SCAMP1: variants seen among roughly 807,000 people sequenced by gnomAD.
The protein encoded by SCAMP1 is secretory carrier-associated membrane protein 1.
Under a neutral mutation model 41.8 loss-of-function variants are expected in SCAMP1, and 15 were observed. The ratio of observed to expected loss-of-function variants is 0.36; its 90% CI spans 0.24 to 0.55. The LOEUF (loss-of-function observed/expected upper bound fraction) is 0.55, where lower values mean the gene tolerates loss of function less well. Among genes scored for constraint, SCAMP1 ranks in the 20% least tolerant of loss-of-function variants. SCAMP1 has a pLI of 0.86. For missense variants in SCAMP1, 341 were observed against 412.6 expected (o/e 0.83, Z 1.50); for synonymous variants, 135 against 136.8 (o/e 0.99, Z 0.09).
intron 6 of SCAMP1, among the ~76,000 whole-genome samples, chr5:78,436,897 C>T (rs1355141771): frequency 2.6e-5 from 4 of 152,112 alleles, no homozygotes; most frequent in Non-Finnish European, 4.4e-5. Flanking sequence ...TCTTTTATTT[C>T]GTTGAGCAGT....
chr5:78,451,940 C>G (rs111745721), intron 7 of SCAMP1, among the ~76,000 whole-genome samples: 15 of 152,208 alleles, frequency 9.9e-5, no homozygotes, highest in African/African-American at 3.6e-4. Flanking sequence ...CAAGCGTGAG[C>G]TACCATGTCT....
intron 6 of SCAMP1, among the ~76,000 whole-genome samples, chr5:78,424,195 T>TG (rs1197405028): frequency 6.6e-6 from 1 of 152,082 alleles, no homozygotes; most frequent in Non-Finnish European, 1.5e-5. Flanking sequence ...ATACTTTTTA[T>TG]GGGGAAAGTT....
chr5:78,391,896 A>G (rs1041019943), intron 2 of SCAMP1, among the ~76,000 whole-genome samples: 1 of 152,292 alleles, frequency 6.6e-6, no homozygotes, highest in Admixed American at 6.5e-5. Context: ...AATCGCAGGC[A>G]CTCGGCAGGC....
intron 7 of SCAMP1, among the ~76,000 whole-genome samples, chr5:78,458,315 C>T (rs9293750): frequency 0.37 from 56,366 of 152,096 alleles, 12,571 homozygotes; most frequent in Non-Finnish European, 0.5. Context: ...CACTTCCTCA[C>T]CAGCATTTAG....
intron 5 of SCAMP1, among the ~76,000 whole-genome samples, chr5:78,420,107 G>C (rs1355278537): frequency 6.6e-6 from 1 of 152,104 alleles, no homozygotes; most frequent in East Asian, 1.9e-4. Flanking sequence ...CTAGGCTGGA[G>C]TGCAATGGCA....
chr5:78,431,687 T>G (rs562220751), intron 6 of SCAMP1, among the ~76,000 whole-genome samples: 2 of 151,956 alleles, frequency 1.3e-5, no homozygotes, highest in African/African-American at 4.8e-5. Context: ...TCAAATAATA[T>G]TATTCTGCTT....
chr5:78,420,955 C>T (rs937673002), intron 5 of SCAMP1, among the ~76,000 whole-genome samples: 2 of 152,152 alleles, frequency 1.3e-5, no homozygotes, highest in Non-Finnish European at 2.9e-5. Context: ...CATTAAACAT[C>T]ATTTTAGCTT....
chr5:78,449,874 TCCCC>T, intron 6 of SCAMP1, 55 bp from the exon 7 acceptor site: 13 of 863,988 alleles, frequency 1.5e-5, no homozygotes, highest in Non-Finnish European at 2.4e-5. Context: ...ATGACGTTTT[TCCCC>T]TTCTTTCTCT....
chr5:78,436,650 G>A (rs1033727456), intron 6 of SCAMP1, among the ~76,000 whole-genome samples: 1 of 152,216 alleles, frequency 6.6e-6, no homozygotes, highest in South Asian at 2.1e-4. Context: ...TTGAACTCAG[G>A]TAGTGTGATG....
chr5:78,378,165 G>T (rs1751111768), intron 1 of SCAMP1, among the ~76,000 whole-genome samples: 1 of 152,114 alleles, frequency 6.6e-6, no homozygotes, highest in Admixed American at 6.5e-5. Flanking sequence ...GAAGGTTTTG[G>T]ATACTAATCA....
At chr5:78,445,985 T>G (rs183931959) in intron 6 of SCAMP1, among the ~76,000 whole-genome samples, 147 of 152,356 alleles carry the variant, frequency 9.6e-4, no homozygotes, top group African/African-American at 3.3e-3. Context: ...GAAATGAATT[T>G]TATTGTCTCC....
chr5:78,397,709 T>C (rs1457876653), intron 2 of SCAMP1, among the ~76,000 whole-genome samples: 1 of 152,032 alleles, frequency 6.6e-6, no homozygotes, highest in Non-Finnish European at 1.5e-5. Flanking sequence ...TCATTTGAGG[T>C]CAGGAGTTCA....
intron 6 of SCAMP1, among the ~76,000 whole-genome samples, chr5:78,434,547 T>C (rs1027037990): frequency 2.2e-5 from 2 of 90,894 alleles, no homozygotes; most frequent in African/African-American, 1.1e-4. Flanking sequence ...CTTCCTTCTT[T>C]CTTCCTTCCT....
At chr5:78,394,885 G>A (rs1751612113) in intron 2 of SCAMP1, among the ~76,000 whole-genome samples, 1 of 152,186 alleles carries the variant, frequency 6.6e-6, no homozygotes, top group Admixed American at 6.5e-5. Context: ...GCCACATCCT[G>A]TCACTTATAC....
At chr5:78,385,340 T>C (rs960466558) in intron 1 of SCAMP1, among the ~76,000 whole-genome samples, 2 of 152,168 alleles carry the variant, frequency 1.3e-5, no homozygotes, top group African/African-American at 4.8e-5. Flanking sequence ...TTTTCTCTTT[T>C]TTTCTTGGTT....
At chr5:78,453,707 T>C (rs1753304683) in intron 7 of SCAMP1, among the ~76,000 whole-genome samples, 1 of 152,234 alleles carries the variant, frequency 6.6e-6, no homozygotes. Flanking sequence ...AAGTAGTTTT[T>C]TCCAGTTCTG....
At chr5:78,402,764 A>G (rs527709596) in intron 2 of SCAMP1, among the ~76,000 whole-genome samples, 2 of 152,038 alleles carry the variant, frequency 1.3e-5, no homozygotes, top group African/African-American at 4.8e-5. Flanking sequence ...TAGTGCCTTG[A>G]GACCGTTGAT....
intron 1 of SCAMP1, among the ~76,000 whole-genome samples, chr5:78,376,360 C>T (rs1436380625): frequency 6.6e-6 from 1 of 152,218 alleles, no homozygotes; most frequent in African/African-American, 2.4e-5. Flanking sequence ...TTAAGAGCTA[C>T]ATGTGGCTGG....
At chr5:78,436,880 T>C (rs1752770698) in intron 6 of SCAMP1, among the ~76,000 whole-genome samples, 1 of 152,226 alleles carries the variant, frequency 6.6e-6, no homozygotes, top group Non-Finnish European at 1.5e-5. Flanking sequence ...TCCATTTGTT[T>C]GTGCCCTCTT....
Sources: allele counts gnomAD v4.1 joint callset (sites outside exome capture counted in the v4.1 genomes callset), GRCh38; gene constraint gnomAD v4.1.1; transcripts MANE v1.5; gene names NCBI Gene and HGNC (gene_info 2026-07-23, HGNC 2026-07-21).